The following RNF24 variants were observed in gnomAD, a reference collection of about 807,000 sequenced individuals.
RNF24 encodes the protein ring finger protein 24.
A neutral mutation model predicts 20.0 loss-of-function variants in RNF24; 14 were observed. The observed-to-expected ratio is 0.70, with a 90% confidence interval of 0.46 to 1.10. RNF24 has a LOEUF of 1.10. Ranked by LOEUF, RNF24 falls within the 50% of genes least tolerant of loss-of-function variation. The probability of loss-of-function intolerance (pLI) is 0.00; values close to 1 mark genes in which losing one functional copy is unlikely to be tolerated. For missense variants in RNF24, 124 were observed against 177.6 expected (o/e 0.70, Z 1.71); for synonymous variants, 45 against 61.1 (o/e 0.74, Z 1.23).
Position 3,933,927 on chromosome 20 carries a change from G to T in RNF24, c.*136C>A. ...GACACCTAGGTTCCCAGTTTGGCTG[G>T]CCCAAGAGTTCTTCATGAGGCAAAA... is the stretch of plus-strand genomic sequence containing the variant. On this transcript the variant is annotated 3_prime_UTR_variant, in exon 6 of 6. Coordinates refer to ENST00000358395, the MANE Select transcript of RNF24 (RefSeq NM_001134337.3). 2 of 873,004 alleles carry T rather than the reference G, an allele frequency of 2.3e-6. No individual in the cohort carries two copies. The highest frequency in any genetic ancestry group is 3.2e-6 in the Non-Finnish European group (2 of 624,436). The allele number at this position is 873,004 out of a possible 1,614,324, so 54.1% of individuals were successfully genotyped here.
intron 3 of RNF24, among the ~76,000 whole-genome samples, chr20:3,947,828 C>T (rs1237433288): frequency 1.3e-5 from 2 of 152,176 alleles, no homozygotes; most frequent in Non-Finnish European, 2.9e-5. Flanking sequence ...GGGCGGATCA[C>T]CTGAGGTCCA....
chr20:3,935,745 C>T (rs1351544177), intron 4 of RNF24, among the ~76,000 whole-genome samples: 2 of 152,232 alleles, frequency 1.3e-5, no homozygotes, highest in Non-Finnish European at 2.9e-5. Context: ...CCAACACTTT[C>T]CTGGGCATTC....
chr20:4,003,931 C>T (rs902821642), intron 1 of RNF24, among the ~76,000 whole-genome samples: 2 of 152,088 alleles, frequency 1.3e-5, no homozygotes, highest in African/African-American at 4.8e-5. Context: ...AGGCGTGAGC[C>T]ACCACGCCTG....
chr20:4,008,222 C>A (rs1056210664), intron 1 of RNF24, among the ~76,000 whole-genome samples: 1 of 142,562 alleles, frequency 7.0e-6, no homozygotes, highest in African/African-American at 2.6e-5. Flanking sequence ...GTTAGGAAAC[C>A]TGCTGGAGGT....
At chr20:3,957,992 C>A (rs2091161543) in intron 2 of RNF24, among the ~76,000 whole-genome samples, 1 of 152,160 alleles carries the variant, frequency 6.6e-6, no homozygotes, top group South Asian at 2.1e-4. Flanking sequence ...TTCTTTCAAA[C>A]CCTTGCCACT....
In RNF24 at chr20:3,930,288, A is replaced by C. The variant is rs1295213011; in HGVS notation, c.*3775T>G. ...GGGCAAAGGCAGAGATGACCAAGGAAGAAAGGGGCCAGGTGAACCTGGGCC... is the reference window on the plus strand; with the variant it reads ...GGGCAAAGGCAGAGATGACCAAGGACGAAAGGGGCCAGGTGAACCTGGGCC... On this transcript the variant is annotated 3_prime_UTR_variant, in exon 6 of 6. Transcript: ENST00000358395. 6.6e-6 allele frequency: 1 copy of C among 152,232 alleles called. No homozygotes were observed. The highest frequency in any genetic ancestry group is 1.5e-5 in the Non-Finnish European group (1 of 68,042). The allele number at this position is 152,232 out of a possible 1,614,324, so 9.4% of individuals were successfully genotyped here.
At chr20:3,949,826 A>T (rs2091061947) in intron 2 of RNF24, among the ~76,000 whole-genome samples, 4 of 152,236 alleles carry the variant, frequency 2.6e-5, no homozygotes. Flanking sequence ...CAATTAGGTT[A>T]GTTCTTTTTA....
intron 1 of RNF24, among the ~76,000 whole-genome samples, chr20:3,989,490 C>CA (rs199841013): frequency 0.35 from 49,691 of 140,284 alleles, 9,584 homozygotes; most frequent in Non-Finnish European, 0.44. Flanking sequence ...GACTCCATCT[C>CA]AAAAAAAAAA....
chr20:3,946,570 C>T (rs1005516222), intron 3 of RNF24, among the ~76,000 whole-genome samples: 2 of 151,370 alleles, frequency 1.3e-5, no homozygotes, highest in African/African-American at 2.4e-5. Flanking sequence ...GCGCCTGTAG[C>T]CCCAGCTATG....
chr20:3,947,805 G>A (rs1160340265), intron 3 of RNF24, among the ~76,000 whole-genome samples: 2 of 152,202 alleles, frequency 1.3e-5, no homozygotes, highest in Admixed American at 1.3e-4. Flanking sequence ...CCAGCACTTT[G>A]GGAGGCCGAG....
chr20:4,010,867 A>T (rs1027698813), intron 1 of RNF24, among the ~76,000 whole-genome samples: 15 of 152,192 alleles, frequency 9.9e-5, no homozygotes, highest in Non-Finnish European at 1.6e-4. Flanking sequence ...TGCTCTTAAA[A>T]CACAATGCTC....
chr20:3,996,680 T>C (rs1438743779), intron 1 of RNF24, among the ~76,000 whole-genome samples: 6 of 152,228 alleles, frequency 3.9e-5, no homozygotes, highest in African/African-American at 1.4e-4. Context: ...CTGGCCAATG[T>C]AACTGATGCA....
At chr20:3,946,222 T>A (rs927071676) in intron 3 of RNF24, among the ~76,000 whole-genome samples, 2 of 152,146 alleles carry the variant, frequency 1.3e-5, no homozygotes, top group African/African-American at 4.8e-5. Flanking sequence ...ATCCCAGCAC[T>A]TTGGGAGGCC....
intron 4 of RNF24, among the ~76,000 whole-genome samples, chr20:3,942,825 T>C (rs1050772986): frequency 2.6e-5 from 4 of 151,472 alleles, no homozygotes; most frequent in African/African-American, 7.3e-5. Flanking sequence ...ACAGTTTTTT[T>C]TTTTTTTTGA....
chr20:3,945,356 C>A, intron 3 of RNF24, 138 bp from the exon 4 acceptor site: 1 of 855,898 alleles, frequency 1.2e-6, no homozygotes, highest in South Asian at 2.0e-5. Context: ...ATTTCTTTTA[C>A]AGTTTGAGAC....
At chr20:3,997,349 A>G (rs572540141) in intron 1 of RNF24, among the ~76,000 whole-genome samples, 23 of 151,998 alleles carry the variant, frequency 1.5e-4, no homozygotes, top group African/African-American at 5.1e-4. Flanking sequence ...GTAGGTCAGT[A>G]CTATTTTAAA....
chr20:3,983,940 C>CAAA (rs56680870), intron 1 of RNF24, among the ~76,000 whole-genome samples: 42 of 65,670 alleles, frequency 6.4e-4, no homozygotes, highest in African/African-American at 2.3e-3. Context: ...GACTTGGTCT[C>CAAA]AAAAAAAAAA....
chr20:3,951,836 C>T (rs996618926), intron 2 of RNF24, among the ~76,000 whole-genome samples: 4 of 152,178 alleles, frequency 2.6e-5, no homozygotes, highest in Non-Finnish European at 5.9e-5. Context: ...GTTCTTTCAA[C>T]AAGCCCCCAT....
At chr20:3,983,218 T>G (rs146167571) in intron 1 of RNF24, among the ~76,000 whole-genome samples, 19 of 152,344 alleles carry the variant, frequency 1.2e-4, no homozygotes, top group African/African-American at 3.6e-4. Flanking sequence ...GGGAGGTCTT[T>G]ACATCCAGGC....
Sources: allele counts gnomAD v4.1 joint callset (sites outside exome capture counted in the v4.1 genomes callset), GRCh38; gene constraint gnomAD v4.1.1; transcripts MANE v1.5; gene names NCBI Gene and HGNC (gene_info 2026-07-23, HGNC 2026-07-21).